DTD1: variants seen among roughly 807,000 people sequenced by gnomAD.
The protein encoded by DTD1 is D-aminoacyl-tRNA deacylase 1.
DTD1 carries 13 observed loss-of-function variants against 25.6 expected under a neutral mutation model. That is an observed-to-expected ratio of 0.51 (90% CI 0.33 to 0.81). The LOEUF (loss-of-function observed/expected upper bound fraction) is 0.81, where lower values mean the gene tolerates loss of function less well. Among genes scored for constraint, DTD1 ranks in the 30% least tolerant of loss-of-function variants. The pLI, the probability that DTD1 is intolerant of heterozygous loss-of-function variation, is 0.02. For missense variants in DTD1, 193 were observed against 266.4 expected, an observed-to-expected ratio of 0.72 and a Z score of 1.92; for synonymous variants, 110 against 103.6, an observed-to-expected ratio of 1.06 and a Z score of -0.37.
chr20:18,721,943 T>A (rs1252799550), intron 4 of DTD1, among the ~76,000 whole-genome samples: 1 of 152,030 alleles, frequency 6.6e-6, no homozygotes, highest in Non-Finnish European at 1.5e-5. Context: ...GAGACATCAG[T>A]CTCTTCAGGC....
At chr20:18,659,999 C>T (rs1455037808) in intron 4 of DTD1, among the ~76,000 whole-genome samples, 2 of 151,972 alleles carry the variant, frequency 1.3e-5, no homozygotes, top group Non-Finnish European at 2.9e-5. Context: ...TTTGGGAGGC[C>T]GAAGTGGTGG....
Position 18,764,464 on chromosome 20 carries a change from T to A in DTD1, c.*1124T>A, listed in dbSNP as rs1376849039. On this transcript the variant is annotated 3_prime_UTR_variant, in exon 6 of 6. Coordinates refer to ENST00000377452, the MANE Select transcript of DTD1 (RefSeq NM_080820.6). ...GCTCGCATATATGCTCTCTGGAAAA[T>A]ATTTTTGTATATAGAAGAGACATCC... 2.0e-5 allele frequency: 3 copies of A among 152,222 alleles called. No individual in the cohort carries two copies. Among genetic ancestry groups the A allele is most frequent in the Non-Finnish European group, 4.4e-5 (3 of 68,044 alleles). 9.4% of individuals were successfully genotyped at this position (152,222 alleles called of 1,614,324 possible). A position where few individuals can be genotyped will look rare whatever the true frequency, so the allele number is the denominator to read the frequency against.
Position 18,590,742 on chromosome 20 carries a change from G to A in DTD1, c.43+2627G>A, listed in dbSNP as rs757548308. 6.6e-4 allele frequency among the ~76,000 whole-genome samples: 100 copies of A among 152,148 alleles called. 1 individual carries two copies. Among genetic ancestry groups the A allele is most frequent in the Admixed American group, 3.9e-4 (6 of 15,272 alleles). On this transcript the variant is annotated intron_variant, in intron 1 of 5. Transcript: ENST00000377452. Reference sequence around the variant, plus strand: ...CCTGCCTCGGCTTCCCAAAGTGCTGGGATTACAGGCATGAGCCACTGCACC... The same window carrying A: ...CCTGCCTCGGCTTCCCAAAGTGCTGAGATTACAGGCATGAGCCACTGCACC...
chr20:18,593,277 A>G (rs1279783632), intron 1 of DTD1, among the ~76,000 whole-genome samples: 2 of 152,114 alleles, frequency 1.3e-5, no homozygotes, highest in Non-Finnish European at 2.9e-5. Context: ...TGATATGAAC[A>G]TTTTCCACTT....
rs576938071 is a variant in DTD1, at chr20:18,729,882, C to T, written c.478-14218C>T. Among the ~76,000 whole-genome samples the T allele has an allele frequency of 9.9e-5, 15 of 152,228 alleles. 1 individual carries two copies. In the East Asian group the frequency reaches 2.7e-3, roughly 28 times the overall value. On this transcript the variant is annotated intron_variant, in intron 4 of 5. Transcript: ENST00000377452. The stretch of plus-strand genomic sequence containing the variant: ...GTTCATCACCTCCCTTCTTCCTTCT[C>T]TCTCTGAGTGGCTTCTATTGCACAT...
chr20:18,690,078 A>G (rs370311122), intron 4 of DTD1, among the ~76,000 whole-genome samples: 19 of 150,414 alleles, frequency 1.3e-4, no homozygotes, highest in African/African-American at 2.4e-4. Flanking sequence ...CAAGACTGCA[A>G]TGAGCTGTGA....
intron 3 of DTD1, among the ~76,000 whole-genome samples, chr20:18,599,993 A>C (rs148268073): frequency 6.6e-6 from 1 of 152,304 alleles, no homozygotes; most frequent in African/African-American, 2.4e-5. Flanking sequence ...TGAATATTCA[A>C]TTTACAAATA....
At position 18,709,430 on chromosome 20, in the gene DTD1, C is replaced by A. The variant is rs566794874; in HGVS notation, c.478-34670C>A. On this transcript the variant is annotated intron_variant, in intron 4 of 5. Coordinates refer to ENST00000377452, the MANE Select transcript of DTD1 (RefSeq NM_080820.6). ...ATGGTCATTATTTCTGTATTACTCT[C>A]CATACCTCCTTCCATTTCTTTCTGG... 1.6e-3 allele frequency among the ~76,000 whole-genome samples: 245 copies of A among 152,292 alleles called. 2 individuals are homozygous for A. Among genetic ancestry groups the A allele is most frequent in the African/African-American group, 5.8e-3 (240 of 41,552 alleles).
At chr20:18,674,328 A>C (rs1236190883) in intron 4 of DTD1, 4 of 152,232 alleles carry the variant, frequency 2.6e-5, no homozygotes, top group African/African-American at 9.6e-5. Flanking sequence ...TTTAAATTAG[A>C]AACTGCTTGT....
Position 18,623,874 on chromosome 20 carries a change from CTGTGTGTG to C in DTD1, c.371-4227_371-4220del, listed in dbSNP as rs55984974. Among the ~76,000 whole-genome samples the C allele has an allele frequency of 2.8e-5, 4 of 143,726 alleles. No homozygotes were observed. The South Asian group carries it at 6.9e-4, about 25-fold the overall frequency. 94.3% of individuals were successfully genotyped at this position (143,726 alleles called of 152,430 possible). A position where few individuals can be genotyped will look rare whatever the true frequency, so the allele number is the denominator to read the frequency against. On this transcript the variant is annotated intron_variant, in intron 3 of 5. Coordinates refer to ENST00000377452, the MANE Select transcript of DTD1 (RefSeq NM_080820.6). The stretch of plus-strand genomic sequence containing the variant: ...TTCTCAACAGTACTTACAAGAAGAA[CTGTGTGTG>C]TGTGTGTGTGTGTGTGTGTGTGTGT...
At chr20:18,760,628 G>A (rs565387295) in intron 5 of DTD1, among the ~76,000 whole-genome samples, 1 of 152,278 alleles carries the variant, frequency 6.6e-6, no homozygotes, top group South Asian at 2.1e-4. Context: ...GGCCGTGTGA[G>A]GTGTTAGTCT....
chr20:18,619,568 G>A (rs529833886), intron 3 of DTD1, among the ~76,000 whole-genome samples: 2 of 151,964 alleles, frequency 1.3e-5, no homozygotes, highest in Admixed American at 6.6e-5. Flanking sequence ...AGGACTACAG[G>A]TGCACACCGC....
At chr20:18,681,004 T>C (rs1051932096) in intron 4 of DTD1, among the ~76,000 whole-genome samples, 1 of 152,164 alleles carries the variant, frequency 6.6e-6, no homozygotes, top group Non-Finnish European at 1.5e-5. Flanking sequence ...TTCAGAATAG[T>C]TTTTCGCCAG....
At chr20:18,635,350 G>A (rs997929290) in intron 4 of DTD1, among the ~76,000 whole-genome samples, 16 of 152,216 alleles carry the variant, frequency 1.1e-4, no homozygotes, top group Non-Finnish European at 8.8e-5. Flanking sequence ...TGTCAGTGAC[G>A]CTGACTTCTG....
chr20:18,588,759 A>C, intron 1 of DTD1: 2 of 984,456 alleles, frequency 2.0e-6, no homozygotes, highest in Non-Finnish European at 2.4e-6. Context: ...AGATGAAAAC[A>C]TTTCTCTTTT....
chr20:18,593,611 TTTAACCAAAGAAG>T, intron 1 of DTD1, 107 bp from the exon 2 acceptor site: 1 of 709,086 alleles, frequency 1.4e-6, no homozygotes, highest in Non-Finnish European at 2.5e-6. Flanking sequence ...ACGTACTGAC[TTTAACCAAAGAAG>T]TTATAAGAAG....
intron 4 of DTD1, among the ~76,000 whole-genome samples, chr20:18,700,718 C>T (rs1325634168): frequency 6.6e-6 from 1 of 152,118 alleles, no homozygotes; most frequent in Non-Finnish European, 1.5e-5. Flanking sequence ...GTGGAGGTGG[C>T]AGTCAGGGCT....
In DTD1 at chr20:18,654,188, G is replaced by A. The variant is rs758279119; in HGVS notation, c.477+25955G>A. Among the ~76,000 whole-genome samples, 12 of 152,186 alleles carry A rather than the reference G, an allele frequency of 7.9e-5. 2 individuals are homozygous for A. Among genetic ancestry groups the A allele is most frequent in the Non-Finnish European group, 1.5e-4 (10 of 68,028 alleles). On this transcript the variant is annotated intron_variant, in intron 4 of 5. Coordinates refer to ENST00000377452, the MANE Select transcript of DTD1 (RefSeq NM_080820.6). ...ATGATAGCTCCCATAATCTTCCCAT[G>A]TTGTGGGAGAGACCCAGTGGGAGGG...
At chr20:18,632,100 T>A in intron 4 of DTD1, 1 of 938,866 alleles carries the variant, frequency 1.1e-6, no homozygotes, top group Non-Finnish European at 1.3e-6. Flanking sequence ...ACTGTAGTAA[T>A]CACTTCACTA....
Sources: gnomAD v4.1 joint callset for allele counts (sites outside exome capture counted in the v4.1 genomes callset) on GRCh38, gnomAD v4.1.1 for gene constraint, MANE v1.5 for transcripts, NCBI Gene and HGNC (gene_info 2026-07-23, HGNC 2026-07-21) for gene names.